Variants in SHROOM2 observed in about 807,000 individuals in gnomAD.
The protein encoded by SHROOM2 is shroom family member 2.
A neutral mutation model predicts 75.9 loss-of-function variants in SHROOM2; 33 were observed. The observed-to-expected ratio is 0.43, with a 90% confidence interval of 0.33 to 0.58. SHROOM2 has a LOEUF of 0.58. SHROOM2 is among the 20% of genes least tolerant of loss of function. SHROOM2 has a pLI of 0.04. For missense variants in SHROOM2, 1,434 were observed against 1,461.2 expected (o/e 0.98, Z 0.30); for synonymous variants, 655 against 663.6 (o/e 0.99, Z 0.20).
At position 9,947,156 on chromosome X, in the gene SHROOM2, C is replaced by CCGAG; in HGVS notation, c.*219_*220insCGAG. 1 of 423,487 alleles carries CCGAG rather than the reference C, an allele frequency of 2.4e-6. No individual in the cohort carries two copies. The allele number at this position is 423,487 out of a possible 1,213,427, so 34.9% of individuals were successfully genotyped here. On this transcript the variant is annotated 3_prime_UTR_variant, in exon 10 of 10. Coordinates refer to ENST00000380913, the MANE Select transcript of SHROOM2 (RefSeq NM_001649.4). ...TTGCTGAGAGCCATTTTCCTTTACA[C>CCGAG]ATAACTACACCTGACACCAGGCTCT... is the stretch of plus-strand genomic sequence containing the variant.
intron 5 of SHROOM2, among the ~76,000 whole-genome samples, chrX:9,928,201 A>G (rs974414816): frequency 2.7e-5 from 3 of 112,293 alleles, no homozygotes; most frequent in Non-Finnish European, 5.6e-5. Context: ...TCCATGTAGC[A>G]GATCTCTGAA....
At chrX:9,892,429 CA>C (rs1386252712) in intron 3 of SHROOM2, among the ~76,000 whole-genome samples, 1 of 109,385 alleles carries the variant, frequency 9.1e-6, no homozygotes, top group Non-Finnish European at 1.9e-5. Context: ...CACAAAAAAA[CA>C]AAAAGCCACA....
intron 1 of SHROOM2, among the ~76,000 whole-genome samples, chrX:9,860,176 G>A (rs6654907): frequency 0.014 from 1,551 of 111,817 alleles, 30 homozygotes; most frequent in East Asian, 0.091. Context: ...GGATGCTGCT[G>A]AGTCCCCTGC....
chrX:9,890,614 C>T lies in SHROOM2; in HGVS notation c.318-363C>T, dbSNP rs9699257. ...CCTGAACCCCCTGCACTGTTTGGCT[C>T]GAGCGCGCACGCGCTGCTTGCGGTC... On this transcript the variant is annotated intron_variant, in intron 2 of 9. Coordinates refer to ENST00000380913, the MANE Select transcript of SHROOM2 (RefSeq NM_001649.4). 9.7e-3 allele frequency among the ~76,000 whole-genome samples: 1,093 copies of T among 113,135 alleles called. 6 individuals carry two copies. The highest frequency in any genetic ancestry group is 0.032 in the African/African-American group (991 of 31,271).
chrX:9,844,117 T>C (rs906975586), intron 1 of SHROOM2, among the ~76,000 whole-genome samples: 7 of 112,327 alleles, frequency 6.2e-5, no homozygotes, highest in Non-Finnish European at 9.4e-5. Flanking sequence ...TGCTAAGTTA[T>C]AGCAAATTTG....
At chrX:9,908,760 T>A (rs1601984030) in intron 5 of SHROOM2, among the ~76,000 whole-genome samples, 1 of 109,377 alleles carries the variant, frequency 9.1e-6, no homozygotes, top group South Asian at 3.9e-4. Context: ...AATACCAGCC[T>A]GGGCAACATA....
At chrX:9,851,579 C>T (rs1209940886) in intron 1 of SHROOM2, among the ~76,000 whole-genome samples, 1 of 106,008 alleles carries the variant, frequency 9.4e-6, no homozygotes, top group Non-Finnish European at 1.9e-5. Flanking sequence ...ACCTCAGCCT[C>T]CTGTGTAGCT....
At chrX:9,827,550 G>A (rs767124305) in intron 1 of SHROOM2, among the ~76,000 whole-genome samples, 8 of 109,914 alleles carry the variant, frequency 7.3e-5, no homozygotes, top group Non-Finnish European at 1.1e-4. Flanking sequence ...GGTTTGAGGC[G>A]AGGGAGCACG....
chrX:9,911,342 A>T (rs1318549873), intron 5 of SHROOM2, among the ~76,000 whole-genome samples: 1 of 112,093 alleles, frequency 8.9e-6, no homozygotes, highest in East Asian at 2.8e-4. Flanking sequence ...ACAGTGCCTA[A>T]GGTTAAGTGT....
intron 1 of SHROOM2, among the ~76,000 whole-genome samples, chrX:9,797,747 G>GAGGCC (rs1398747424): frequency 8.9e-6 from 1 of 112,121 alleles, no homozygotes; most frequent in Non-Finnish European, 1.9e-5. Context: ...ATTGGGGCAG[G>GAGGCC]AGGCCGGGAG....
chrX:9,898,095 G>T, intron 4 of SHROOM2, 95 bp from the exon 5 acceptor site: 1 of 724,448 alleles, frequency 1.4e-6, no homozygotes. Context: ...AACTGCCCTG[G>T]CAAGGCAAAC....
Position 9,894,867 on chromosome X carries a change from C to T in SHROOM2, c.959C>T (p.Pro320Leu). ...APSSPPPPPP[P>L]LRSDSFAATK... ...TCATCCCCACCTCCTCCCCCTCCCC[C>T]TCTCCGCAGTGACAGCTTTGCTGCC... The change falls in exon 4 of 10, where the codon CCT becomes CTT. Residue 320 changes from proline (P) to leucine (L), a missense_variant. Around this residue, in one of 3 missense-constraint regions of SHROOM2, gnomAD observed 1,340 missense variants for 1,338.3 expected, o/e 1.00. Coordinates refer to ENST00000380913, the MANE Select transcript of SHROOM2 (RefSeq NM_001649.4). 1 of 1,211,389 alleles carries T rather than the reference C, an allele frequency of 8.3e-7. No individual in the cohort carries two copies. The highest frequency in any genetic ancestry group is 1.1e-6 in the Non-Finnish European group (1 of 895,275).
At chrX:9,883,428 A>G (rs746198501) in intron 2 of SHROOM2, among the ~76,000 whole-genome samples, 4 of 112,001 alleles carry the variant, frequency 3.6e-5, no homozygotes, top group African/African-American at 1.3e-4. Flanking sequence ...GCCAGCACCC[A>G]GTGGCTCACA....
chrX:9,860,947 A>G (rs753944178), intron 1 of SHROOM2, among the ~76,000 whole-genome samples: 1 of 111,921 alleles, frequency 8.9e-6, no homozygotes, highest in Admixed American at 9.5e-5. Flanking sequence ...AAGGGCAGAT[A>G]CTGTATGATT....
At chrX:9,922,993 G>C (rs1407857646) in intron 5 of SHROOM2, among the ~76,000 whole-genome samples, 1 of 111,684 alleles carries the variant, frequency 9.0e-6, no homozygotes, top group African/African-American at 3.3e-5. Context: ...TAGAAGGTAA[G>C]ACAAATATTA....
Position 9,946,698 on chromosome X carries a change from C to A in SHROOM2, c.4612C>A (p.Leu1538Met). 1 of 1,207,350 alleles carries A rather than the reference C, an allele frequency of 8.3e-7. No homozygotes were observed. Among genetic ancestry groups the A allele is most frequent in the East Asian group, 3.0e-5 (1 of 33,717 alleles). The part of the protein sequence containing the change: ...RQSLLEKQRV[L>M]IQQHEDAKEL... ...ATCACTGCTTGAGAAGCAGAGAGTC[C>A]TGATCCAGCAGCACGAGGACGCCAA... is the stretch of plus-strand genomic sequence containing the variant. The change falls in exon 10 of 10, where the codon CTG becomes ATG. Residue 1538 changes from leucine (L) to methionine (M), a missense_variant. Physicochemically the swap from Leu to Met is conservative, Grantham distance 15. Around this residue, in one of 3 missense-constraint regions of SHROOM2, gnomAD observed 80 missense variants for 88.4 expected, o/e 0.90. Transcript: ENST00000380913.
intron 5 of SHROOM2, among the ~76,000 whole-genome samples, chrX:9,899,901 G>A (rs4830675): frequency 0.52 from 57,301 of 110,951 alleles, 12,005 homozygotes; most frequent in South Asian, 0.69. Context: ...CTGCACATGC[G>A]GGCCTTGCTT....
intron 1 of SHROOM2, among the ~76,000 whole-genome samples, chrX:9,792,006 GAATA>G (rs2083653642): frequency 0.059 from 1 of 17 alleles, no homozygotes; most frequent in Admixed American, 0.25. Context: ...GAATAGAATA[GAATA>G]GAATAGAATA....
intron 1 of SHROOM2, among the ~76,000 whole-genome samples, chrX:9,852,606 C>T (rs138575497): frequency 0.02 from 2,306 of 112,813 alleles, 59 homozygotes; most frequent in African/African-American, 0.071. Flanking sequence ...ACATTTCCAT[C>T]CCAAGAGGTT....
Sources: allele counts gnomAD v4.1 joint callset (sites outside exome capture counted in the v4.1 genomes callset), GRCh38; gene constraint gnomAD v4.1.1; regional missense constraint gnomAD v4.1.1; transcripts MANE v1.5; gene names NCBI Gene and HGNC (gene_info 2026-07-23, HGNC 2026-07-21).